Variants in TCF7L1 observed in about 807,000 individuals in gnomAD.
TCF7L1 encodes the protein transcription factor 7-like 1.
In TCF7L1, 18 loss-of-function variants were observed where a neutral mutation model predicts 63.7. The ratio of observed to expected loss-of-function variants is 0.28; its 90% CI spans 0.20 to 0.42. The LOEUF (loss-of-function observed/expected upper bound fraction) is 0.42, where lower values mean the gene tolerates loss of function less well. TCF7L1 is among the 10% of genes least tolerant of loss of function. TCF7L1 has a pLI of 1.00. For synonymous variants in TCF7L1, 355 were observed against 340.9 expected, an observed-to-expected ratio of 1.04 and a Z score of -0.46; for missense variants, 654 against 779.3, an observed-to-expected ratio of 0.84 and a Z score of 1.91.
chr2:85,296,384 G>A (rs1329228715), intron 4 of TCF7L1, among the ~76,000 whole-genome samples: 1 of 152,104 alleles, frequency 6.6e-6, no homozygotes, highest in Non-Finnish European at 1.5e-5. Flanking sequence ...TGCATTTTTG[G>A]CCAGAATGTC....
intron 3 of TCF7L1, among the ~76,000 whole-genome samples, chr2:85,167,680 A>T (rs1678450192): frequency 2.0e-5 from 3 of 152,174 alleles, no homozygotes; most frequent in Non-Finnish European, 4.4e-5. Context: ...CCTGGCCAAC[A>T]CAGTGAGACC....
chr2:85,230,319 C>A (rs1047069976), intron 3 of TCF7L1, among the ~76,000 whole-genome samples: 1 of 152,154 alleles, frequency 6.6e-6, no homozygotes, highest in Non-Finnish European at 1.5e-5. Context: ...GATTTGGGCT[C>A]ATTGAGTAAA....
intron 3 of TCF7L1, among the ~76,000 whole-genome samples, chr2:85,148,039 G>C (rs1397056590): frequency 1.3e-5 from 2 of 152,194 alleles, no homozygotes; most frequent in Non-Finnish European, 2.9e-5. Context: ...TATAGTAGGA[G>C]TATTAGAGTG....
chr2:85,144,500 G>A (rs1175413990), intron 3 of TCF7L1, among the ~76,000 whole-genome samples: 1 of 151,772 alleles, frequency 6.6e-6, no homozygotes, highest in East Asian at 1.9e-4. Flanking sequence ...TACTCAGGAA[G>A]CTGAGGTGGG....
At position 85,134,026 on chromosome 2, in the gene TCF7L1, G is replaced by T. The variant is rs771207715; in HGVS notation, c.260G>T (p.Arg87Leu). 2 of 1,609,402 alleles carry T rather than the reference G, an allele frequency of 1.2e-6. No individual in the cohort carries two copies. Among genetic ancestry groups the T allele is most frequent in the East Asian group, 2.3e-5 (1 of 44,292 alleles). ...SSSSDSEAER[R>L]PQPVRDTFQK... The stretch of plus-strand genomic sequence containing the variant: ...GTGTCTCCTCCGCAGGCGGAGAGGC[G>T]CCCGCAGCCCGTCCGGGACACTTTC... Residue 87 changes from arginine to leucine, a missense_variant, in exon 2 of 12, where the codon CGC becomes CTC. By Grantham distance (102) the Arg-to-Leu change is moderately radical. This residue lies in a region of TCF7L1 where 404 missense variants were observed against 454.8 expected (regional missense o/e 0.89). Transcript: ENST00000282111. This position sits in a 1 kb window ranked among gnomAD's most constrained non-coding sequence, Gnocchi z 5.0.
At chr2:85,164,515 G>A (rs1480302698) in intron 3 of TCF7L1, among the ~76,000 whole-genome samples, 1 of 152,182 alleles carries the variant, frequency 6.6e-6, no homozygotes, top group Non-Finnish European at 1.5e-5. Context: ...GCAGGGTTAT[G>A]GAGAGGAGGA....
rs200188447 is a variant in TCF7L1, at chr2:85,180,491, A to G, written c.441+46041A>G. Among the ~76,000 whole-genome samples, 13 of 151,976 alleles carry G rather than the reference A, an allele frequency of 8.6e-5. No homozygotes were observed. In the East Asian group the frequency reaches 2.3e-3, roughly 27 times the overall value. ...ACCCCGCACATTATCATACCCCTCA[A>G]ATGTGCCTTCCAACCCCACACAGAT... On this transcript the variant is annotated intron_variant, in intron 3 of 11. Coordinates refer to ENST00000282111, the MANE Select transcript of TCF7L1 (RefSeq NM_031283.3).
At chr2:85,164,213 GACTGGCGTCTGCTCCCTGGCTTCTGGGT>G (rs367799236) in intron 3 of TCF7L1, among the ~76,000 whole-genome samples, 11 of 152,136 alleles carry the variant, frequency 7.2e-5, no homozygotes, top group African/African-American at 2.7e-4. Flanking sequence ...CCTGCCCACT[GACTGGCGTCTGCTCCCTGGCTTCTGGGT>G]ACACTCAGAG....
chr2:85,301,433 GT>G (rs1295882236), intron 4 of TCF7L1, among the ~76,000 whole-genome samples: 1 of 152,172 alleles, frequency 6.6e-6, no homozygotes, highest in Non-Finnish European at 1.5e-5. Flanking sequence ...ACCTGTAGAT[GT>G]TTTTAAAATA....
intron 3 of TCF7L1, among the ~76,000 whole-genome samples, chr2:85,166,582 A>G (rs1678423792): frequency 6.6e-6 from 1 of 152,220 alleles, no homozygotes; most frequent in Non-Finnish European, 1.5e-5. Flanking sequence ...TATCCTTCCC[A>G]TGCACACTGG....
intron 3 of TCF7L1, among the ~76,000 whole-genome samples, chr2:85,185,753 C>T (rs1239202314): frequency 1.3e-5 from 2 of 152,030 alleles, no homozygotes; most frequent in Admixed American, 6.6e-5. Context: ...TGGCAGCTCA[C>T]GCCTGTGGCG....
chr2:85,162,907 C>T (rs974162939), intron 3 of TCF7L1, among the ~76,000 whole-genome samples: 5 of 152,112 alleles, frequency 3.3e-5, no homozygotes, highest in African/African-American at 9.7e-5. Context: ...CACCATTCCC[C>T]GCTGTTCATC....
At chr2:85,241,437 GTTTTTTTTTTTT>G (rs772334481) in intron 3 of TCF7L1, among the ~76,000 whole-genome samples, 23 of 83,072 alleles carry the variant, frequency 2.8e-4, no homozygotes, top group Non-Finnish European at 5.1e-4. Context: ...CTTTGTTTTT[GTTTTTTTTTTTT>G]TTTTTTTTTT....
In TCF7L1 at chr2:85,174,990, G is replaced by A. The variant is rs73943067; in HGVS notation, c.441+40540G>A. 9.5e-3 allele frequency among the ~76,000 whole-genome samples: 1,454 copies of A among 152,314 alleles called. 46 individuals carry two copies. The highest frequency in any genetic ancestry group is 0.033 in the African/African-American group (1,377 of 41,554). On this transcript the variant is annotated intron_variant, in intron 3 of 11. Coordinates refer to ENST00000282111, the MANE Select transcript of TCF7L1 (RefSeq NM_031283.3). ...TTTTTGTTTATGTGTGTGGTTTTGTGTCTTTGATATCGTTGATTTGCCTTA... is the reference window on the plus strand; with the variant it reads ...TTTTTGTTTATGTGTGTGGTTTTGTATCTTTGATATCGTTGATTTGCCTTA...
chr2:85,289,221 A>AGTGTGTGT lies in TCF7L1; in HGVS notation c.525+5668_525+5675dup, dbSNP rs10701623. Among the ~76,000 whole-genome samples the AGTGTGTGT allele has an allele frequency of 7.0e-3, 1,024 of 146,494 alleles. 12 individuals are homozygous for AGTGTGTGT. The highest frequency in any genetic ancestry group is 0.022 in the African/African-American group (884 of 39,632). On this transcript the variant is annotated intron_variant, in intron 4 of 11. Coordinates refer to ENST00000282111, the MANE Select transcript of TCF7L1 (RefSeq NM_031283.3). ...TTTGTTAAATAGTATTTCAGTCTGG[A>AGTGTGTGT]GTGTGTGTGTGTGTGTGTGTGTGTG...
chr2:85,185,406 T>C (rs571561533), intron 3 of TCF7L1, among the ~76,000 whole-genome samples: 1 of 151,998 alleles, frequency 6.6e-6, no homozygotes, highest in African/African-American at 2.4e-5. Context: ...TACAAGCAAG[T>C]GCCACCACAC....
At chr2:85,264,048 G>A (rs1391733601) in intron 3 of TCF7L1, among the ~76,000 whole-genome samples, 3 of 152,222 alleles carry the variant, frequency 2.0e-5, no homozygotes, top group South Asian at 2.1e-4. Context: ...GGCATTGACA[G>A]TGGGGGTTTG....
At chr2:85,204,480 A>G (rs756108212) in intron 3 of TCF7L1, among the ~76,000 whole-genome samples, 1 of 152,030 alleles carries the variant, frequency 6.6e-6, no homozygotes, top group Non-Finnish European at 1.5e-5. Flanking sequence ...GTGTGCCCAA[A>G]CTAGTCTTTC....
chr2:85,285,347 CA>C (rs1229237410), intron 4 of TCF7L1, among the ~76,000 whole-genome samples: 1 of 152,176 alleles, frequency 6.6e-6, no homozygotes, highest in African/African-American at 2.4e-5. Flanking sequence ...GTATGATTTC[CA>C]GTAATCAGGA....
Sources: allele counts gnomAD v4.1 joint callset (sites outside exome capture counted in the v4.1 genomes callset), GRCh38; gene constraint gnomAD v4.1.1; regional missense constraint gnomAD v4.1.1; non-coding constraint Gnocchi (gnomAD v3.1); transcripts MANE v1.5; gene names NCBI Gene and HGNC (gene_info 2026-07-23, HGNC 2026-07-21).